Variants in MLXIP observed in about 807,000 individuals in gnomAD.
MLXIP encodes MLX-interacting protein.
In MLXIP, 30 loss-of-function variants were observed where a neutral mutation model predicts 87.2. The observed-to-expected ratio is 0.34, with a 90% CI of 0.26 to 0.47. The LOEUF (loss-of-function observed/expected upper bound fraction) is 0.47, where lower values mean the gene tolerates loss of function less well. Ranked by LOEUF, MLXIP falls within the 20% of genes least tolerant of loss-of-function variation. The pLI is 1.00. For missense variants in MLXIP, 1,002 were observed against 1,240.1 expected (o/e 0.81, Z 2.88); for synonymous variants, 530 against 514.0 (o/e 1.03, Z -0.42).
At chr12:122,093,946 T>G (rs1952296670) in intron 1 of MLXIP, among the ~76,000 whole-genome samples, 5 of 140,224 alleles carry the variant, frequency 3.6e-5, no homozygotes, top group African/African-American at 5.4e-5. Flanking sequence ...GTGTGGGGTG[T>G]GTTGGTGTGT....
intron 3 of MLXIP, 116 bp downstream of exon 3, chr12:122,128,084 C>CCT: frequency 9.0e-6 from 8 of 889,830 alleles, no homozygotes; most frequent in Non-Finnish European, 1.8e-6. Context: ...GCAGCGCCTG[C>CCT]CCTGCGCCAT....
intron 16 of MLXIP, 144 bp downstream of exon 16, chr12:122,141,227 T>G (rs7975001): frequency 0.51 from 636,716 of 1,238,748 alleles, 166,128 homozygotes; most frequent in Admixed American, 0.57. Flanking sequence ...CAGGAGGTCC[T>G]CAGTCAGGAG....
At chr12:122,129,056 T>A in intron 3 of MLXIP, 81 bp from the exon 4 acceptor site, 16 of 1,178,932 alleles carry the variant, frequency 1.4e-5, no homozygotes, top group Non-Finnish European at 2.0e-5. Context: ...CTGATTATAG[T>A]GCCGGATACT....
chr12:122,092,775 G>C (rs889960669), intron 1 of MLXIP, among the ~76,000 whole-genome samples: 6 of 152,196 alleles, frequency 3.9e-5, no homozygotes, highest in Non-Finnish European at 7.3e-5. Context: ...GGTTGATTTG[G>C]CTGGAGTTGA....
In MLXIP at chr12:122,137,570, A is replaced by C. The variant is rs1953116645; in HGVS notation, c.2134A>C (p.Lys712Gln). 1 of 1,613,824 alleles carries C rather than the reference A, an allele frequency of 6.2e-7. No individual in the cohort carries two copies. Among genetic ancestry groups the C allele is most frequent in the Admixed American group, 1.7e-5 (1 of 60,000 alleles). ...QNNCSGKSDP[K>Q]NVAALKNRQM... ...CAACTGCTCAGGGAAATCCGACCCC[A>C]AAAATGTGGCTGCACTAAAGGTACC... The change falls in exon 12 of 17, where the codon AAA (lysine) becomes CAA (glutamine). Residue 712 changes from lysine to glutamine, a missense_variant. Lys to Gln is a moderately conservative substitution (Grantham distance 53, BLOSUM62 1). This residue lies in a region of MLXIP where 746 missense variants were observed against 897.0 expected (regional missense o/e 0.83). Transcript: ENST00000319080. The surrounding 1 kb of genome is among the most constrained non-coding windows in gnomAD (Gnocchi z 4.1).
intron 1 of MLXIP, among the ~76,000 whole-genome samples, chr12:122,080,502 C>T (rs1952075565): frequency 6.6e-6 from 1 of 152,166 alleles, no homozygotes; most frequent in East Asian, 1.9e-4. Context: ...GGATGGCACC[C>T]CCCTCACCGC....
intron 1 of MLXIP, among the ~76,000 whole-genome samples, chr12:122,110,186 C>G (rs1302574280): frequency 6.6e-6 from 1 of 152,162 alleles, no homozygotes; most frequent in African/African-American, 2.4e-5. Flanking sequence ...GGTACGGTGG[C>G]TCACGTCTGT....
At chr12:122,104,323 C>G (rs985569912) in intron 1 of MLXIP, among the ~76,000 whole-genome samples, 2 of 152,204 alleles carry the variant, frequency 1.3e-5, no homozygotes, top group African/African-American at 4.8e-5. Context: ...CCTTCCCTAT[C>G]TGCGCACTAT....
In MLXIP at chr12:122,115,354, G is replaced by A. The variant is rs556064740; in HGVS notation, c.414-11902G>A. ...TATAATCCCAGCACTTTGGGAGGCC[G>A]AGGCAGGTGGATCACCTGAGGTCGG... is the stretch of plus-strand genomic sequence containing the variant. On this transcript the variant is annotated intron_variant, in intron 1 of 16. Coordinates refer to ENST00000319080, the MANE Select transcript of MLXIP (RefSeq NM_014938.6). Among the ~76,000 whole-genome samples, 782 of 152,020 alleles carry A rather than the reference G, an allele frequency of 5.1e-3. 6 individuals are homozygous for A. Among genetic ancestry groups the A allele is most frequent in the Non-Finnish European group, 8.9e-3 (602 of 67,962 alleles).
chr12:122,141,199 C>A (rs76105908), intron 16 of MLXIP, 116 bp downstream of exon 16: 67,321 of 1,414,172 alleles, frequency 0.048, 1,792 homozygotes, highest in Non-Finnish European at 0.055. Flanking sequence ...GGGGCCGGGG[C>A]AGGGGCACAG....
At chr12:122,096,408 T>C (rs941787138) in intron 1 of MLXIP, among the ~76,000 whole-genome samples, 6 of 152,146 alleles carry the variant, frequency 3.9e-5, no homozygotes, top group Admixed American at 2.0e-4. Flanking sequence ...ATAGCCCTGG[T>C]TGGCTACTTT....
intron 15 of MLXIP, among the ~76,000 whole-genome samples, chr12:122,140,327 T>G (rs999130052): frequency 3.9e-5 from 6 of 151,996 alleles, no homozygotes; most frequent in African/African-American, 1.2e-4. Flanking sequence ...AACAGAGTCT[T>G]GCTCTGTCAC....
intron 15 of MLXIP, 114 bp from the exon 16 acceptor site, chr12:122,140,840 G>T (rs769183195): frequency 2.1e-5 from 32 of 1,501,072 alleles, no homozygotes; most frequent in Middle Eastern, 1.7e-4. Context: ...TCCATTCTCT[G>T]TGGGCAGATA....
intron 6 of MLXIP, 81 bp from the exon 7 acceptor site, chr12:122,130,763 A>G: frequency 2.1e-6 from 2 of 956,322 alleles, no homozygotes; most frequent in Admixed American, 3.4e-5. Flanking sequence ...AGGGCCAGGA[A>G]GTTCTGTTCC....
chr12:122,087,020 G>C (rs141552930), intron 1 of MLXIP, among the ~76,000 whole-genome samples: 2,826 of 152,266 alleles, frequency 0.019, 83 homozygotes, highest in African/African-American at 0.065. Context: ...GCCAGGGCCT[G>C]TGTCTCACAT....
intron 16 of MLXIP, 165 bp downstream of exon 16, chr12:122,141,248 G>A: frequency 1.8e-6 from 1 of 568,272 alleles, no homozygotes. Context: ...CGCCCAGTGG[G>A]GGCAGGAGGC....
At chr12:122,115,278 C>T (rs1270393104) in intron 1 of MLXIP, among the ~76,000 whole-genome samples, 1 of 151,818 alleles carries the variant, frequency 6.6e-6, no homozygotes, top group East Asian at 1.9e-4. Flanking sequence ...GGAAGCAGTA[C>T]AAGAAATTCT....
chr12:122,123,680 C>T (rs560705051), intron 1 of MLXIP, among the ~76,000 whole-genome samples: 66 of 152,296 alleles, frequency 4.3e-4, no homozygotes, highest in African/African-American at 1.5e-3. Context: ...TGCCTTCAGA[C>T]TCCCTTTTTT....
chr12:122,127,404 T>G (rs1952898593), intron 2 of MLXIP, 42 bp downstream of exon 2: 1 of 1,468,602 alleles, frequency 6.8e-7, no homozygotes, highest in Admixed American at 2.0e-5. Context: ...GGTCAGAACT[T>G]CACGGCCTGG....
Sources: allele counts gnomAD v4.1 joint callset (sites outside exome capture counted in the v4.1 genomes callset), GRCh38; gene constraint gnomAD v4.1.1; regional missense constraint gnomAD v4.1.1; non-coding constraint Gnocchi (gnomAD v3.1); transcripts MANE v1.5; gene names NCBI Gene and HGNC (gene_info 2026-07-23, HGNC 2026-07-21).